Variants in HTR2C observed in about 807,000 individuals in gnomAD.
HTR2C encodes 5-hydroxytryptamine (serotonin) receptor 2C, G protein-coupled.
HTR2C carries 5 observed loss-of-function variants against 21.0 expected under a neutral mutation model. That is an observed-to-expected ratio of 0.24 (90% CI 0.12 to 0.50). The LOEUF (loss-of-function observed/expected upper bound fraction) is 0.50, where lower values mean the gene tolerates loss of function less well. HTR2C is among the 20% of genes least tolerant of loss of function. The pLI is 0.98. For missense variants in HTR2C, 271 were observed against 371.2 expected (o/e 0.73, Z 2.22); for synonymous variants, 150 against 145.3 (o/e 1.03, Z -0.23).
intron 4 of HTR2C, among the ~76,000 whole-genome samples, chrX:114,835,652 T>C (rs1255737824): frequency 3.6e-5 from 4 of 111,746 alleles, no homozygotes; most frequent in African/African-American, 1.3e-4. Flanking sequence ...TTGGTCTGAA[T>C]GTCCTCCCGT....
chrX:114,761,536 A>T lies in HTR2C; in HGVS notation c.349+29929A>T, dbSNP rs192080532. 4.4e-3 allele frequency among the ~76,000 whole-genome samples: 488 copies of T among 111,285 alleles called. 2 individuals carry two copies. The highest frequency in any genetic ancestry group is 0.023 in the Middle Eastern group (5 of 217). On this transcript the variant is annotated intron_variant, in intron 4 of 5. Transcript: ENST00000276198. ...AATTATCATTAACTGAGAATATACT[A>T]TAACCCCAGGCATTCTGCAAAAAAT...
chrX:114,640,089 T>G (rs1428044768), intron 2 of HTR2C, among the ~76,000 whole-genome samples: 2 of 111,557 alleles, frequency 1.8e-5, no homozygotes, highest in Non-Finnish European at 3.8e-5. Context: ...TTTCATACAT[T>G]TTTTGTTCGA....
intron 2 of HTR2C, among the ~76,000 whole-genome samples, chrX:114,695,059 G>A (rs782485982): frequency 6.2e-5 from 7 of 112,107 alleles, no homozygotes; most frequent in African/African-American, 1.3e-4. Flanking sequence ...AAATAAGAAT[G>A]TGGTGACTAC....
intron 2 of HTR2C, among the ~76,000 whole-genome samples, chrX:114,679,904 T>G (rs782632900): frequency 8.9e-6 from 1 of 112,103 alleles, no homozygotes; most frequent in South Asian, 3.7e-4. Flanking sequence ...AGAATAATGT[T>G]TTCTTGGTTA....
At chrX:114,772,245 T>G (rs1246240220) in intron 4 of HTR2C, among the ~76,000 whole-genome samples, 2 of 112,300 alleles carry the variant, frequency 1.8e-5, no homozygotes, top group African/African-American at 3.2e-5. Context: ...TACTTCTTTA[T>G]ACACCTTGAA....
chrX:114,690,612 A>G (rs1556414983), intron 2 of HTR2C, among the ~76,000 whole-genome samples: 1 of 111,505 alleles, frequency 9.0e-6, no homozygotes, highest in East Asian at 2.8e-4. Context: ...ATGAACCATA[A>G]AGGATTTCTT....
intron 2 of HTR2C, among the ~76,000 whole-genome samples, chrX:114,623,886 T>C (rs895129933): frequency 6.8e-5 from 7 of 102,426 alleles, no homozygotes; most frequent in Non-Finnish European, 1.4e-4. Context: ...AGTCTACAAG[T>C]TGTCTCTTTT....
chrX:114,792,050 C>T (rs2070238298), intron 4 of HTR2C, among the ~76,000 whole-genome samples: 1 of 111,714 alleles, frequency 9.0e-6, no homozygotes, highest in African/African-American at 3.3e-5. Context: ...CTACTAAGCC[C>T]CAAGGTCTAT....
At chrX:114,707,891 C>CA (rs782374673) in intron 2 of HTR2C, among the ~76,000 whole-genome samples, 11 of 107,711 alleles carry the variant, frequency 1.0e-4, no homozygotes, top group African/African-American at 1.7e-4. Flanking sequence ...AGTAAATAGG[C>CA]AAAAAAAACT....
chrX:114,628,017 A>G (rs922538186), intron 2 of HTR2C, among the ~76,000 whole-genome samples: 1 of 111,779 alleles, frequency 8.9e-6, no homozygotes, highest in Admixed American at 9.5e-5. Context: ...TTAGTTCACT[A>G]GTCTGAATCA....
intron 5 of HTR2C, among the ~76,000 whole-genome samples, chrX:114,853,559 C>A (rs1314771498): frequency 1.8e-5 from 2 of 111,592 alleles, no homozygotes; most frequent in Non-Finnish European, 3.8e-5. Context: ...TCTCTTAAAA[C>A]TAATTCTTCC....
At chrX:114,766,028 G>A (rs782479019) in intron 4 of HTR2C, among the ~76,000 whole-genome samples, 44 of 111,472 alleles carry the variant, frequency 3.9e-4, no homozygotes, top group Middle Eastern at 9.2e-3. Flanking sequence ...TAAAAGATAC[G>A]GAAAGAATCA....
At chrX:114,694,216 C>A (rs1199478934) in intron 2 of HTR2C, among the ~76,000 whole-genome samples, 1 of 110,586 alleles carries the variant, frequency 9.0e-6, no homozygotes, top group Non-Finnish European at 1.9e-5. Context: ...CTCTTGAAAG[C>A]ATGAGGAAGA....
At chrX:114,723,749 A>G (rs782080349) in intron 2 of HTR2C, among the ~76,000 whole-genome samples, 95 of 110,481 alleles carry the variant, frequency 8.6e-4, no homozygotes, top group African/African-American at 3.0e-3. Context: ...GAACATCTTT[A>G]TGTCTGCCTT....
intron 4 of HTR2C, among the ~76,000 whole-genome samples, chrX:114,833,106 AT>A (rs2070745127): frequency 1.1e-5 from 1 of 92,593 alleles, no homozygotes; most frequent in Non-Finnish European, 2.2e-5. Context: ...TTTTGCCAGT[AT>A]TTTATTGAGG....
intron 4 of HTR2C, among the ~76,000 whole-genome samples, chrX:114,734,252 TAG>T (rs1469990338): frequency 9.0e-6 from 1 of 111,137 alleles, no homozygotes; most frequent in Non-Finnish European, 1.9e-5. Context: ...TAAAATATGT[TAG>T]AGTGTGGTTG....
Position 114,726,766 on chromosome X carries a change from C to T in HTR2C, c.-79-92C>T, listed in dbSNP as rs1453085100. On this transcript the variant is annotated intron_variant, in intron 2 of 5. Coordinates refer to ENST00000276198, the MANE Select transcript of HTR2C (RefSeq NM_000868.4). ...CTGAATTAATAACTGTTTCTTATCA[C>T]CATTAAGTGCATTTAAGTTTATTTA... 1.0e-5 allele frequency: 4 copies of T among 395,321 alleles called. No individual in the cohort carries two copies. The East Asian group carries it at 1.9e-4, about 19-fold the overall frequency. The allele number at this position is 395,321 out of a possible 1,213,427, so 32.6% of individuals were successfully genotyped here. A position where few individuals can be genotyped will look rare whatever the true frequency, so the allele number is the denominator to read the frequency against.
At chrX:114,739,953 A>G (rs1297884870) in intron 4 of HTR2C, among the ~76,000 whole-genome samples, 2 of 109,276 alleles carry the variant, frequency 1.8e-5, no homozygotes, top group African/African-American at 6.7e-5. Flanking sequence ...CAACAACAAC[A>G]ACAAAATTAG....
chrX:114,743,998 A>C (rs2069676850), intron 4 of HTR2C, among the ~76,000 whole-genome samples: 1 of 111,784 alleles, frequency 8.9e-6, no homozygotes, highest in South Asian at 3.7e-4. Context: ...CAGAAAGAAC[A>C]GCAGTGATTG....
Sources: allele counts gnomAD v4.1 joint callset (sites outside exome capture counted in the v4.1 genomes callset), GRCh38; gene constraint gnomAD v4.1.1; transcripts MANE v1.5; gene names NCBI Gene and HGNC (gene_info 2026-07-23, HGNC 2026-07-21).